PARVA: variants seen among roughly 807,000 people sequenced by gnomAD.
PARVA encodes parvin alpha.
PARVA carries 25 observed loss-of-function variants against 52.6 expected under a neutral mutation model. The observed-to-expected ratio is 0.48, with a 90% CI of 0.35 to 0.66. The LOEUF (loss-of-function observed/expected upper bound fraction) is 0.66, where lower values mean the gene tolerates loss of function less well. Among genes scored for constraint, PARVA ranks in the 30% least tolerant of loss-of-function variants. The probability of loss-of-function intolerance (pLI) is 0.01; values close to 1 mark genes in which losing one functional copy is unlikely to be tolerated. For synonymous variants in PARVA, 185 were observed against 179.1 expected, an observed-to-expected ratio of 1.03 and a Z score of -0.26; for missense variants, 373 against 450.9, an observed-to-expected ratio of 0.83 and a Z score of 1.56.
chr11:12,507,969 CAGAT>C (rs1368724081), intron 6 of PARVA, among the ~76,000 whole-genome samples: 4 of 149,028 alleles, frequency 2.7e-5, no homozygotes, highest in Non-Finnish European at 6.0e-5. Context: ...GAAGTGTGGA[CAGAT>C]GGATGGATGG....
intron 1 of PARVA, among the ~76,000 whole-genome samples, chr11:12,435,569 G>T (rs1219763272): frequency 1.3e-5 from 2 of 152,174 alleles, no homozygotes; most frequent in Non-Finnish European, 1.5e-5. Context: ...TTACAGGGGG[G>T]TTTGAGCTGC....
intron 3 of PARVA, 58 bp from the exon 4 acceptor site, chr11:12,477,789 G>A (rs2135040954): frequency 3.3e-6 from 3 of 906,446 alleles, no homozygotes; most frequent in Non-Finnish European, 3.7e-6. Context: ...TGGTCTGTAA[G>A]AAAATACCCC....
intron 1 of PARVA, among the ~76,000 whole-genome samples, chr11:12,410,333 C>T (rs1939975765): frequency 6.6e-6 from 1 of 152,232 alleles, no homozygotes; most frequent in Non-Finnish European, 1.5e-5. Context: ...CTACCCCAGG[C>T]CACAGGAAGC....
chr11:12,509,947 G>C (rs1216372127), intron 7 of PARVA, among the ~76,000 whole-genome samples: 1 of 152,182 alleles, frequency 6.6e-6, no homozygotes. Flanking sequence ...GAGCAGAGAG[G>C]AGCATGGCCT....
intron 1 of PARVA, among the ~76,000 whole-genome samples, chr11:12,445,307 A>G (rs77899194): frequency 0.041 from 6,213 of 152,224 alleles, 189 homozygotes; most frequent in South Asian, 0.068. Flanking sequence ...AGGGATGTGA[A>G]TGGTTACTAA....
intron 1 of PARVA, among the ~76,000 whole-genome samples, chr11:12,440,068 G>C (rs1439992741): frequency 6.6e-6 from 1 of 152,142 alleles, no homozygotes; most frequent in Non-Finnish European, 1.5e-5. Flanking sequence ...TAAACTCCCT[G>C]TGAGCAGGAT....
intron 6 of PARVA, among the ~76,000 whole-genome samples, chr11:12,504,776 T>G (rs545450633): frequency 1.6e-4 from 24 of 147,600 alleles, no homozygotes; most frequent in African/African-American, 6.1e-4. Flanking sequence ...GGTATGTGGG[T>G]GTGTGTGTGT....
chr11:12,406,175 G>C (rs1043211451), intron 1 of PARVA, among the ~76,000 whole-genome samples: 5 of 152,226 alleles, frequency 3.3e-5, no homozygotes, highest in Admixed American at 3.3e-4. Context: ...TGGAGGCTGG[G>C]AAGTCCAAAA....
At chr11:12,482,532 A>G (rs915983260) in intron 4 of PARVA, among the ~76,000 whole-genome samples, 4 of 151,758 alleles carry the variant, frequency 2.6e-5, no homozygotes, top group African/African-American at 9.7e-5. Flanking sequence ...AGGCTGAGGC[A>G]GGAGAATCGC....
rs1939416378 is a variant in PARVA, at chr11:12,377,691, C to T, written c.44C>T (p.Pro15Leu). The change falls in exon 1 of 13, where the codon CCC (proline) becomes CTC (leucine). Residue 15 changes from proline (P) to leucine (L), a missense_variant. Transcript: ENST00000334956. Reference protein sequence around the residue: ...PQKSPSVPKSPTPKSPPSRKK... With the variant: ...PQKSPSVPKSLTPKSPPSRKK... ...AAGTCGCCTTCTGTCCCCAAGTCTC[C>T]CACTCCCAAGTCGCCCCCGTCCCGC... 1 of 1,568,158 alleles carries T rather than the reference C, an allele frequency of 6.4e-7. No individual in the cohort carries two copies. The highest frequency in any genetic ancestry group is 2.6e-5 in the East Asian group (1 of 38,644).
intron 1 of PARVA, among the ~76,000 whole-genome samples, chr11:12,468,932 A>G (rs890477414): frequency 6.6e-6 from 1 of 152,224 alleles, no homozygotes; most frequent in African/African-American, 2.4e-5. Flanking sequence ...CAGAATTGAC[A>G]TGATGATGCT....
chr11:12,511,314 G>A (rs188834871), intron 7 of PARVA, among the ~76,000 whole-genome samples, 200 bp from the exon 8 acceptor site: 5 of 152,184 alleles, frequency 3.3e-5, no homozygotes, highest in Middle Eastern at 3.4e-3. Flanking sequence ...GTGGTAATGT[G>A]GTAAAGTCTC....
chr11:12,511,118 G>A (rs748759271), intron 7 of PARVA, among the ~76,000 whole-genome samples: 1 of 152,062 alleles, frequency 6.6e-6, no homozygotes, highest in East Asian at 1.9e-4. Flanking sequence ...TGCATTGAGG[G>A]GTTGCTTGAG....
intron 1 of PARVA, among the ~76,000 whole-genome samples, chr11:12,455,302 G>A (rs1401384629): frequency 6.6e-6 from 1 of 152,170 alleles, no homozygotes; most frequent in East Asian, 1.9e-4. Context: ...TCCTCATTAA[G>A]TATTTGACCA....
At chr11:12,487,807 C>CTGTG (rs149320174) in intron 4 of PARVA, among the ~76,000 whole-genome samples, 1 of 151,634 alleles carries the variant, frequency 6.6e-6, no homozygotes, top group South Asian at 2.1e-4. Flanking sequence ...TAGAGAACGA[C>CTGTG]TGTGTGTGTG....
chr11:12,496,113 T>C (rs993018382), intron 4 of PARVA, among the ~76,000 whole-genome samples: 1 of 152,222 alleles, frequency 6.6e-6, no homozygotes, highest in Non-Finnish European at 1.5e-5. Flanking sequence ...CAGAGAAGGC[T>C]TTCCAGTCGG....
chr11:12,527,026 C>T (rs1941712115), intron 12 of PARVA, among the ~76,000 whole-genome samples: 1 of 152,216 alleles, frequency 6.6e-6, no homozygotes, highest in Non-Finnish European at 1.5e-5. Flanking sequence ...CCTACAAAAT[C>T]ATGCAAGCTC....
At chr11:12,411,364 C>G (rs1436621186) in intron 1 of PARVA, among the ~76,000 whole-genome samples, 2 of 152,198 alleles carry the variant, frequency 1.3e-5, no homozygotes, top group East Asian at 3.8e-4. Flanking sequence ...CTATTGCCAA[C>G]ATTGTACATT....
intron 1 of PARVA, 75 bp downstream of exon 1, chr11:12,377,858 G>T (rs528066196): frequency 2.6e-6 from 3 of 1,146,506 alleles, no homozygotes; most frequent in African/African-American, 3.3e-5. Context: ...CGGGGCACTG[G>T]GACCGGGCGG....
Sources: allele counts gnomAD v4.1 joint callset (sites outside exome capture counted in the v4.1 genomes callset), GRCh38; gene constraint gnomAD v4.1.1; transcripts MANE v1.5; gene names NCBI Gene and HGNC (gene_info 2026-07-23, HGNC 2026-07-21).